The following ITGA2 variants were observed in gnomAD, a reference collection of about 807,000 sequenced individuals.
ITGA2 encodes the protein integrin alpha-2.
In ITGA2, 101 loss-of-function variants were observed where a neutral mutation model predicts 146.3. The ratio of observed to expected loss-of-function variants is 0.69; its 90% CI spans 0.59 to 0.81. The LOEUF (loss-of-function observed/expected upper bound fraction) is 0.81. Ranked by LOEUF, ITGA2 falls within the 40% of genes least tolerant of loss-of-function variation. ITGA2 has a pLI of 0.00. For synonymous variants in ITGA2, 477 were observed against 487.1 expected, an observed-to-expected ratio of 0.98 and a Z score of 0.27; for missense variants, 1,281 against 1,402.7, an observed-to-expected ratio of 0.91 and a Z score of 1.39.
At chr5:53,073,771 A>AT (rs1201959253) in intron 20 of ITGA2, among the ~76,000 whole-genome samples, 1 of 151,784 alleles carries the variant, frequency 6.6e-6, no homozygotes, top group African/African-American at 2.4e-5. Flanking sequence ...AAAAGCTGAG[A>AT]TTTTCCAAAT....
intron 17 of ITGA2, among the ~76,000 whole-genome samples, chr5:53,071,703 A>G (rs1195129885): frequency 1.3e-5 from 2 of 152,110 alleles, no homozygotes. Context: ...TCAAATTCTT[A>G]CTAGACCCAA....
At chr5:53,062,989 C>G in intron 13 of ITGA2, 60 bp downstream of exon 13, 1 of 1,375,416 alleles carries the variant, frequency 7.3e-7, no homozygotes, top group Non-Finnish European at 1.0e-6. Flanking sequence ...ATTTAACTTG[C>G]ATTTGGAAAG....
At chr5:53,068,962 C>T (rs1331154494) in intron 16 of ITGA2, among the ~76,000 whole-genome samples, 1 of 150,836 alleles carries the variant, frequency 6.6e-6, no homozygotes, top group Non-Finnish European at 1.5e-5. Flanking sequence ...ATCATCTTCA[C>T]AACTTATTTT....
At chr5:53,064,799 C>T in intron 13 of ITGA2, 113 bp from the exon 14 acceptor site, 2 of 967,102 alleles carry the variant, frequency 2.1e-6, no homozygotes, top group South Asian at 1.3e-5. Flanking sequence ...TCTGCCTCAG[C>T]CTCTGGAGTC....
chr5:53,051,710 A>C, intron 7 of ITGA2, 151 bp downstream of exon 7: 1 of 810,394 alleles, frequency 1.2e-6, no homozygotes, highest in Non-Finnish European at 2.0e-6. Flanking sequence ...ACATCAGAGC[A>C]TTCTATGTCT....
intron 4 of ITGA2, among the ~76,000 whole-genome samples, chr5:53,047,299 T>C (rs1163272323): frequency 6.6e-6 from 1 of 152,250 alleles, no homozygotes; most frequent in Non-Finnish European, 1.5e-5. Context: ...TAGATTTCTC[T>C]TTTGCACTTG....
intron 1 of ITGA2, 131 bp from the exon 2 acceptor site, chr5:53,026,617 T>A: frequency 1.2e-6 from 1 of 806,364 alleles, no homozygotes; most frequent in East Asian, 2.7e-5. Context: ...TAGTTATTTT[T>A]TCTGGGTAAA....
rs1561136698 is a variant in ITGA2 at position 53,064,879 on chromosome 5, GC to G, written c.1603-32del. 3 of 1,593,716 alleles carry G rather than the reference GC, an allele frequency of 1.9e-6. No individual in the cohort carries two copies. The Admixed American group carries it at 5.0e-5, about 27-fold the overall frequency. On this transcript the variant is annotated intron_variant, in intron 13 of 29. Coordinates refer to ENST00000296585, the MANE Select transcript of ITGA2 (RefSeq NM_002203.4). ...TTTAATTATACAAGTTGTAAGGTTT[GC>G]TTTAATCATCCTTTTGTTTCCCCTT... is the stretch of plus-strand genomic sequence containing the variant.
chr5:53,042,001 A>G, intron 2 of ITGA2, 111 bp from the exon 3 acceptor site: 1 of 763,124 alleles, frequency 1.3e-6, no homozygotes, highest in Non-Finnish European at 2.4e-6. Flanking sequence ...CTGAACAAAT[A>G]TAAACTGTTC....
At chr5:52,993,787 G>A (rs867390331) in intron 1 of ITGA2, among the ~76,000 whole-genome samples, 24 of 152,292 alleles carry the variant, frequency 1.6e-4, no homozygotes, top group African/African-American at 5.1e-4. Context: ...AAGTGTCCAG[G>A]CATCACATAA....
At chr5:52,995,210 A>G (rs1346766885) in intron 1 of ITGA2, among the ~76,000 whole-genome samples, 1 of 152,168 alleles carries the variant, frequency 6.6e-6, no homozygotes, top group African/African-American at 2.4e-5. Flanking sequence ...AAGTCATGAT[A>G]TAGAGCAGGG....
intron 1 of ITGA2, among the ~76,000 whole-genome samples, chr5:53,017,311 T>C (rs1386027305): frequency 6.6e-6 from 1 of 152,230 alleles, no homozygotes; most frequent in Non-Finnish European, 1.5e-5. Flanking sequence ...TTGTGGTGTT[T>C]AGTGAACTGG....
At chr5:53,076,777 G>A (rs1309216735) in intron 23 of ITGA2, among the ~76,000 whole-genome samples, 1 of 151,914 alleles carries the variant, frequency 6.6e-6, no homozygotes, top group Non-Finnish European at 1.5e-5. Context: ...TTTTTGTAAT[G>A]GCAACTTGAA....
rs140484910 is a variant in ITGA2, at chr5:53,080,417, C to T, written c.2929-94C>T. On this transcript the variant is annotated intron_variant, in intron 24 of 29. Coordinates refer to ENST00000296585, the MANE Select transcript of ITGA2 (RefSeq NM_002203.4). Reference sequence around the variant, plus strand: ...TCATTTGGACTCAGTCTTACCACCTCGTAGTTGCCCTTCATCAACACGGGG... The same window carrying T: ...TCATTTGGACTCAGTCTTACCACCTTGTAGTTGCCCTTCATCAACACGGGG... The T allele has an allele frequency of 8.3e-5, 76 of 913,624 alleles. No homozygotes were observed. In the Admixed American group the frequency reaches 9.4e-4, roughly 11 times the overall value. 56.6% of individuals were successfully genotyped at this position (913,624 alleles called of 1,614,324 possible). A position where few individuals can be genotyped will look rare whatever the true frequency, so the allele number is the denominator to read the frequency against.
At chr5:53,023,228 A>G (rs1742773874) in intron 1 of ITGA2, among the ~76,000 whole-genome samples, 1 of 152,242 alleles carries the variant, frequency 6.6e-6, no homozygotes, top group Non-Finnish European at 1.5e-5. Context: ...GTATAGATTA[A>G]TGAAGCAACC....
At chr5:53,037,578 C>T (rs1470939621) in intron 2 of ITGA2, among the ~76,000 whole-genome samples, 3 of 152,150 alleles carry the variant, frequency 2.0e-5, no homozygotes, top group Non-Finnish European at 2.9e-5. Flanking sequence ...GGAATAGCCT[C>T]TTGGTGATGT....
chr5:53,030,686 C>A (rs906569621), intron 2 of ITGA2, among the ~76,000 whole-genome samples: 2 of 152,098 alleles, frequency 1.3e-5, no homozygotes, highest in African/African-American at 2.4e-5. Context: ...GCAAAAAATG[C>A]AAAACATAGT....
chr5:53,055,696 G>T lies in ITGA2; in HGVS notation c.930+8G>T, dbSNP rs774264283. 6.2e-7 allele frequency: 1 copy of T among 1,612,638 alleles called. No homozygotes were observed. Among genetic ancestry groups the T allele is most frequent in the Non-Finnish European group, 8.5e-7 (1 of 1,179,180 alleles). ...CTGAGGTTTGGCATAGCAGTAAGTG[G>T]CTTTTCTTTTCACTTGTCTTGCCGC... On this transcript the variant is annotated splice_region_variant and intron_variant, in intron 8 of 29. Transcript: ENST00000296585.
At chr5:53,073,956 A>C (rs1373312764) in intron 20 of ITGA2, among the ~76,000 whole-genome samples, 2 of 151,358 alleles carry the variant, frequency 1.3e-5, no homozygotes, top group Non-Finnish European at 3.0e-5. Flanking sequence ...AAAAAAAAAA[A>C]AAAAAAAAAA....
Sources: gnomAD v4.1 joint callset for allele counts (sites outside exome capture counted in the v4.1 genomes callset) on GRCh38, gnomAD v4.1.1 for gene constraint, MANE v1.5 for transcripts, NCBI Gene and HGNC (gene_info 2026-07-23, HGNC 2026-07-21) for gene names.